Variants in ITPR1 observed in about 807,000 individuals in gnomAD.
The protein encoded by ITPR1 is inositol 1,4,5-trisphosphate-gated calcium channel ITPR1.
ITPR1 carries 96 observed loss-of-function variants against 318.4 expected under a neutral mutation model. The observed-to-expected ratio is 0.30, with a 90% CI of 0.26 to 0.36. The LOEUF (loss-of-function observed/expected upper bound fraction) is 0.36, where lower values mean the gene tolerates loss of function less well. Ranked by LOEUF, ITPR1 falls within the 10% of genes least tolerant of loss-of-function variation. The pLI, the probability that ITPR1 is intolerant of heterozygous loss-of-function variation, is 1.00. For synonymous variants in ITPR1, 1,312 were observed against 1,289.9 expected, an observed-to-expected ratio of 1.02 and a Z score of -0.37; for missense variants, 2,440 against 3,460.2, an observed-to-expected ratio of 0.71 and a Z score of 7.40.
intron 33 of ITPR1, among the ~76,000 whole-genome samples, chr3:4,695,805 C>T (rs1311460451): frequency 1.3e-5 from 2 of 152,280 alleles, no homozygotes; most frequent in African/African-American, 4.8e-5. Flanking sequence ...ATAGGTTTTT[C>T]ATTCTTCTAC....
chr3:4,587,529 C>T (rs1293556197), intron 4 of ITPR1, among the ~76,000 whole-genome samples: 1 of 152,144 alleles, frequency 6.6e-6, no homozygotes, highest in Non-Finnish European at 1.5e-5. Flanking sequence ...CCTTGGCCTC[C>T]CAAAGTACTG....
chr3:4,649,091 A>G (rs1433712768), intron 10 of ITPR1, among the ~76,000 whole-genome samples: 1 of 151,988 alleles, frequency 6.6e-6, no homozygotes, highest in Non-Finnish European at 1.5e-5. Flanking sequence ...TACTGGTACA[A>G]AAAAAAATGG....
chr3:4,771,963 C>T (rs1000876328), intron 46 of ITPR1, among the ~76,000 whole-genome samples: 11 of 152,034 alleles, frequency 7.2e-5, no homozygotes, highest in Non-Finnish European at 8.8e-5. Context: ...TGTAGGGAGC[C>T]CCCAGGGTTC....
intron 34 of ITPR1, among the ~76,000 whole-genome samples, chr3:4,699,011 G>A (rs1685838814): frequency 1.3e-5 from 2 of 152,100 alleles, no homozygotes. Flanking sequence ...GAACAATGTT[G>A]TGTATTGGTC....
At chr3:4,756,385 A>T (rs939821055) in intron 44 of ITPR1, among the ~76,000 whole-genome samples, 16 of 152,144 alleles carry the variant, frequency 1.1e-4, no homozygotes, top group African/African-American at 3.4e-4. Flanking sequence ...ATACAGGTAA[A>T]CTCATGTCAC....
In ITPR1 at chr3:4,764,878, T is replaced by G. The variant is rs184817944; in HGVS notation, c.5545-1652T>G. Among the ~76,000 whole-genome samples the G allele has an allele frequency of 1.0e-3, 157 of 152,210 alleles. 1 individual carries two copies. Among genetic ancestry groups the G allele is most frequent in the Non-Finnish European group, 5.0e-4 (34 of 68,016 alleles). On this transcript the variant is annotated intron_variant, in intron 44 of 61. Coordinates refer to ENST00000649015, the MANE Select transcript of ITPR1 (RefSeq NM_001378452.1). ...ATGGGGGAAAGGTCTAGGCTCCTTT[T>G]TGTTCACTTCTCTTATAACTGACAT...
chr3:4,545,187 A>G (rs968502592), intron 4 of ITPR1, among the ~76,000 whole-genome samples: 2 of 152,238 alleles, frequency 1.3e-5, no homozygotes, highest in Non-Finnish European at 2.9e-5. Context: ...GAAAAACCCA[A>G]AATGAATCAG....
At chr3:4,662,586 G>A (rs1037553436) in intron 15 of ITPR1, among the ~76,000 whole-genome samples, 1 of 152,128 alleles carries the variant, frequency 6.6e-6, no homozygotes, top group African/African-American at 2.4e-5. Flanking sequence ...AGCCAGGCAT[G>A]ATGGCGGATG....
rs190049005 is a variant in ITPR1 at position 4,697,976 on chromosome 3, G to C, written c.4407+704G>C. On this transcript the variant is annotated intron_variant, in intron 34 of 61. Transcript: ENST00000649015. ...CATTTGTCTCCTGCAATCTGAACTTGAGGATTCTGCAAAACTCTTCACTTC... is the reference window on the plus strand; with the variant it reads ...CATTTGTCTCCTGCAATCTGAACTTCAGGATTCTGCAAAACTCTTCACTTC... Among the ~76,000 whole-genome samples the C allele has an allele frequency of 3.9e-5, 6 of 152,258 alleles. No individual in the cohort carries two copies. In the East Asian group the frequency reaches 1.2e-3, roughly 29 times the overall value.
At chr3:4,722,227 A>C (rs2042215385) in intron 40 of ITPR1, among the ~76,000 whole-genome samples, 3 of 152,240 alleles carry the variant, frequency 2.0e-5, no homozygotes, top group African/African-American at 7.2e-5. Flanking sequence ...ACAAGATTGC[A>C]GAGTAAATAT....
At chr3:4,809,780 C>T (rs941784096) in intron 55 of ITPR1, among the ~76,000 whole-genome samples, 11 of 152,174 alleles carry the variant, frequency 7.2e-5, no homozygotes, top group African/African-American at 2.4e-4. Context: ...CTCTGCGGTC[C>T]TTAACCACAG....
In ITPR1 at chr3:4,788,050, A is replaced by T; in HGVS notation, c.6719A>T (p.Glu2240Val). Residue 2240 changes from glutamate to valine, a missense_variant, in exon 52 of 62, where the codon GAG (glutamate) becomes GTG (valine). Transcript: ENST00000649015. ...ESKLRIYYTT[E>V]RDEQGSKIND... ...AAACTACGAATTTACTATACTACAG[A>T]GAGAGACGAACAAGGCAGCAAAATC... 1 of 1,612,588 alleles carries T rather than the reference A, an allele frequency of 6.2e-7. No homozygotes were observed. The highest frequency in any genetic ancestry group is 1.1e-5 in the South Asian group (1 of 90,618).
At chr3:4,543,795 C>T (rs2084700994) in intron 4 of ITPR1, among the ~76,000 whole-genome samples, 1 of 152,158 alleles carries the variant, frequency 6.6e-6, no homozygotes, top group Admixed American at 6.5e-5. Context: ...AGAAAATCCA[C>T]CTAATAGTGG....
intron 14 of ITPR1, 133 bp from the exon 15 acceptor site, chr3:4,661,949 T>G (rs748278547): frequency 1.6e-5 from 11 of 678,142 alleles, no homozygotes; most frequent in Non-Finnish European, 2.6e-5. Flanking sequence ...TAGATTTTTT[T>G]CCTATATCAT....
At chr3:4,817,447 C>T (rs1187630166) in intron 59 of ITPR1, 1 of 152,220 alleles carries the variant, frequency 6.6e-6, no homozygotes. Flanking sequence ...AATTCCGTTT[C>T]AGCATTACAG....
intron 17 of ITPR1, among the ~76,000 whole-genome samples, chr3:4,666,273 A>G (rs1197522615): frequency 1.3e-5 from 2 of 152,150 alleles, no homozygotes; most frequent in African/African-American, 4.8e-5. Context: ...GGTTTTTGTC[A>G]TGTCATCATA....
intron 53 of ITPR1, among the ~76,000 whole-genome samples, chr3:4,798,882 C>T (rs1418921897): frequency 2.0e-5 from 3 of 152,130 alleles, no homozygotes; most frequent in Non-Finnish European, 4.4e-5. Flanking sequence ...CTAGAAAGTG[C>T]AAAGCTATAG....
At chr3:4,788,601 A>G (rs896513368) in intron 52 of ITPR1, among the ~76,000 whole-genome samples, 2 of 152,208 alleles carry the variant, frequency 1.3e-5, no homozygotes, top group Admixed American at 6.5e-5. Context: ...TTTACAGGCA[A>G]TGGAATCATT....
intron 31 of ITPR1, among the ~76,000 whole-genome samples, chr3:4,689,084 G>A (rs543798203): frequency 6.6e-6 from 1 of 152,154 alleles, no homozygotes; most frequent in Non-Finnish European, 1.5e-5. Flanking sequence ...AAAGAAAAAT[G>A]ATGCCACACT....
Sources: gnomAD v4.1 joint callset for allele counts (sites outside exome capture counted in the v4.1 genomes callset) on GRCh38, gnomAD v4.1.1 for gene constraint, MANE v1.5 for transcripts, NCBI Gene and HGNC (gene_info 2026-07-23, HGNC 2026-07-21) for gene names.